Variants in SRPK1 observed in about 807,000 individuals in gnomAD.
SRPK1 encodes the protein SRSF protein kinase 1.
Under a neutral mutation model 89.5 loss-of-function variants are expected in SRPK1, and 52 were observed. That is an observed-to-expected ratio of 0.58 (90% CI 0.46 to 0.73). The LOEUF is 0.73. Ranked by LOEUF, SRPK1 falls within the 30% of genes least tolerant of loss-of-function variation. The pLI, the probability that SRPK1 is intolerant of heterozygous loss-of-function variation, is 0.00. For synonymous variants in SRPK1, 255 were observed against 270.2 expected (o/e 0.94, Z 0.55); for missense variants, 603 against 780.6 (o/e 0.77, Z 2.71).
chr6:35,846,907 G>T (rs761492005), intron 13 of SRPK1, among the ~76,000 whole-genome samples: 1 of 152,132 alleles, frequency 6.6e-6, no homozygotes, highest in Non-Finnish European at 1.5e-5. Flanking sequence ...AAAACCATAT[G>T]ATCATCTTAT....
intron 2 of SRPK1, among the ~76,000 whole-genome samples, chr6:35,919,276 G>A (rs1771175749): frequency 3.9e-5 from 6 of 152,126 alleles, no homozygotes; most frequent in Admixed American, 3.9e-4. Flanking sequence ...GGAGCAAGAG[G>A]TGAGGTCACC....
chr6:35,897,842 C>T (rs375105918), intron 2 of SRPK1, among the ~76,000 whole-genome samples: 4 of 152,128 alleles, frequency 2.6e-5, no homozygotes, highest in East Asian at 1.9e-4. Flanking sequence ...GCTTCCACTG[C>T]GTATTCTATT....
At chr6:35,884,764 GC>G (rs1770367223) in intron 6 of SRPK1, among the ~76,000 whole-genome samples, 1 of 152,196 alleles carries the variant, frequency 6.6e-6, no homozygotes, top group Non-Finnish European at 1.5e-5. Flanking sequence ...ACTTTGGGAG[GC>G]CGAGGCGGGC....
chr6:35,847,032 C>T (rs915435559), intron 13 of SRPK1, among the ~76,000 whole-genome samples: 2 of 152,194 alleles, frequency 1.3e-5, no homozygotes, highest in Non-Finnish European at 2.9e-5. Context: ...TTTAAGAAGG[C>T]CACAGCTAAC....
intron 2 of SRPK1, among the ~76,000 whole-genome samples, chr6:35,907,239 T>C (rs1581598563): frequency 6.6e-6 from 1 of 152,206 alleles, no homozygotes; most frequent in Middle Eastern, 3.4e-3. Flanking sequence ...TGGAAAGACT[T>C]TGTGGATCCT....
intron 6 of SRPK1, among the ~76,000 whole-genome samples, chr6:35,882,293 T>C (rs1770314287): frequency 6.6e-6 from 1 of 151,906 alleles, no homozygotes; most frequent in African/African-American, 2.4e-5. Flanking sequence ...GGTATAATAA[T>C]TGCATTCAGG....
At chr6:35,899,913 A>G (rs886657528) in intron 2 of SRPK1, among the ~76,000 whole-genome samples, 1 of 151,904 alleles carries the variant, frequency 6.6e-6, no homozygotes, top group Non-Finnish European at 1.5e-5. Flanking sequence ...AGGTAGGAGA[A>G]TCGCTTGAAC....
intron 15 of SRPK1, among the ~76,000 whole-genome samples, 191 bp downstream of exon 15, chr6:35,838,146 G>A (rs930048037): frequency 6.6e-6 from 1 of 152,076 alleles, no homozygotes; most frequent in African/African-American, 2.4e-5. Flanking sequence ...GGGATCACAG[G>A]TATGAGCCAC....
At chr6:35,865,905 G>A (rs1313546922) in intron 12 of SRPK1, among the ~76,000 whole-genome samples, 1 of 151,510 alleles carries the variant, frequency 6.6e-6, no homozygotes, top group Non-Finnish European at 1.5e-5. Context: ...CACAGCAAAA[G>A]AAATAATCAA....
chr6:35,879,821 T>C (rs1057163586), intron 6 of SRPK1, among the ~76,000 whole-genome samples: 1 of 151,874 alleles, frequency 6.6e-6, no homozygotes, highest in Non-Finnish European at 1.5e-5. Flanking sequence ...CCTGTAACCC[T>C]ATCACTTTCA....
At chr6:35,870,546 C>T in intron 9 of SRPK1, 52 bp from the exon 10 acceptor site, 1 of 1,476,074 alleles carries the variant, frequency 6.8e-7, no homozygotes, top group Non-Finnish European at 9.1e-7. Flanking sequence ...ATTAATTACC[C>T]CCAGTTGGAG....
chr6:35,864,813 A>T (rs1277308325), intron 12 of SRPK1, among the ~76,000 whole-genome samples: 3 of 152,188 alleles, frequency 2.0e-5, no homozygotes, highest in Admixed American at 6.5e-5. Flanking sequence ...CAGATGAATT[A>T]AAAAAATGTG....
At chr6:35,915,406 CAAA>C (rs560685673) in intron 2 of SRPK1, among the ~76,000 whole-genome samples, 4 of 73,906 alleles carry the variant, frequency 5.4e-5, no homozygotes, top group East Asian at 4.9e-4. Context: ...GACACCGTCT[CAAA>C]AAAAAAAAAA....
chr6:35,869,444 A>G, intron 11 of SRPK1, 38 bp downstream of exon 11: 1 of 1,587,528 alleles, frequency 6.3e-7, no homozygotes, highest in East Asian at 2.2e-5. Flanking sequence ...TGTGTTGTGC[A>G]GGGAAGGAGT....
At chr6:35,919,579 G>T (rs1049458335) in intron 2 of SRPK1, among the ~76,000 whole-genome samples, 8 of 152,208 alleles carry the variant, frequency 5.3e-5, no homozygotes, top group African/African-American at 1.7e-4. Flanking sequence ...TGTAAGAGCT[G>T]ATTTCCAAGA....
At chr6:35,859,648 T>C (rs1316773712) in intron 12 of SRPK1, among the ~76,000 whole-genome samples, 2 of 152,212 alleles carry the variant, frequency 1.3e-5, no homozygotes, top group African/African-American at 2.4e-5. Context: ...AAAAGTTGAC[T>C]GTATGTTTAA....
chr6:35,918,612 G>A (rs150188502), intron 2 of SRPK1, among the ~76,000 whole-genome samples: 1 of 152,118 alleles, frequency 6.6e-6, no homozygotes, highest in Non-Finnish European at 1.5e-5. Context: ...CAAGGAAATG[G>A]GGGCAGTTCA....
intron 6 of SRPK1, among the ~76,000 whole-genome samples, chr6:35,877,102 A>G (rs1049551862): frequency 6.6e-5 from 10 of 152,222 alleles, no homozygotes; most frequent in African/African-American, 9.6e-5. Context: ...AATGCCCAGC[A>G]TTCGCATAGG....
rs145472545 is a variant in SRPK1 at position 35,913,162 on chromosome 6, G to C, written c.74+7306C>G. 1.7e-3 allele frequency among the ~76,000 whole-genome samples: 263 copies of C among 152,296 alleles called. 6 individuals are homozygous for C. In the South Asian group the frequency reaches 0.026, roughly 15 times the overall value. On this transcript the variant is annotated intron_variant, in intron 2 of 15. Coordinates refer to ENST00000373825, the MANE Select transcript of SRPK1 (RefSeq NM_003137.5). ...GTTGCTGGTTTCAAGTAATCTAAAG[G>C]AAAATGGTAATTTGTCAAGCCTGGG...
Sources: allele counts gnomAD v4.1 joint callset (sites outside exome capture counted in the v4.1 genomes callset), GRCh38; gene constraint gnomAD v4.1.1; transcripts MANE v1.5; gene names NCBI Gene and HGNC (gene_info 2026-07-23, HGNC 2026-07-21).